The following ERBB4 variants were observed in gnomAD, a reference collection of about 807,000 sequenced individuals.
ERBB4 encodes the protein erb-b2 receptor tyrosine kinase 4.
Under a neutral mutation model 158.0 loss-of-function variants are expected in ERBB4, and 42 were observed. The ratio of observed to expected loss-of-function variants is 0.27; its 90% CI spans 0.21 to 0.34. ERBB4 has a LOEUF of 0.34. Among genes scored for constraint, ERBB4 ranks in the 10% least tolerant of loss-of-function variants. The pLI, the probability that ERBB4 is intolerant of heterozygous loss-of-function variation, is 1.00. For synonymous variants in ERBB4, 583 were observed against 558.7 expected (o/e 1.04, Z -0.61); for missense variants, 1,333 against 1,624.1 (o/e 0.82, Z 3.08).
intron 19 of ERBB4, among the ~76,000 whole-genome samples, chr2:211,565,977 A>G (rs566771255): frequency 1.5e-4 from 23 of 152,202 alleles, no homozygotes; most frequent in Non-Finnish European, 2.8e-4. Flanking sequence ...AGGGAACAAG[A>G]AGAGTCACAG....
intron 15 of ERBB4, among the ~76,000 whole-genome samples, chr2:211,663,237 AT>A (rs1284398482): frequency 6.6e-6 from 1 of 152,218 alleles, no homozygotes. Flanking sequence ...GAACCACAGC[AT>A]TTTTATGAAG....
chr2:211,947,663 C>G (rs2080740669), intron 2 of ERBB4, 47 bp from the exon 3 acceptor site: 1 of 1,516,116 alleles, frequency 6.6e-7, no homozygotes, highest in African/African-American at 1.4e-5. Flanking sequence ...GAATTTGTCA[C>G]TCTGTATATG....
chr2:211,558,874 C>T (rs1484525509), intron 20 of ERBB4, among the ~76,000 whole-genome samples: 1 of 152,040 alleles, frequency 6.6e-6, no homozygotes, highest in Non-Finnish European at 1.5e-5. Flanking sequence ...CATGTAAGAT[C>T]CAATTTTAGA....
intron 25 of ERBB4, among the ~76,000 whole-genome samples, chr2:211,403,256 T>C (rs985631871): frequency 3.3e-5 from 5 of 152,096 alleles, no homozygotes; most frequent in African/African-American, 4.8e-5. Context: ...TCTTGGAATA[T>C]TTCATCTAAT....
At chr2:212,074,325 A>G (rs1226831188) in intron 2 of ERBB4, among the ~76,000 whole-genome samples, 2 of 152,166 alleles carry the variant, frequency 1.3e-5, no homozygotes, top group East Asian at 3.9e-4. Flanking sequence ...TTCAGGAATC[A>G]CTAAACATAA....
chr2:211,886,366 C>T (rs2078801176), intron 3 of ERBB4, among the ~76,000 whole-genome samples: 1 of 152,110 alleles, frequency 6.6e-6, no homozygotes, highest in Non-Finnish European at 1.5e-5. Flanking sequence ...CTGTTTACTA[C>T]TGTATTCTCA....
chr2:211,557,517 T>C (rs2067267150), intron 20 of ERBB4, among the ~76,000 whole-genome samples: 1 of 152,000 alleles, frequency 6.6e-6, no homozygotes, highest in Admixed American at 6.6e-5. Context: ...GAAAAAAAGC[T>C]CAACATCACT....
intron 18 of ERBB4, among the ~76,000 whole-genome samples, chr2:211,622,427 A>G (rs1395781627): frequency 1.3e-5 from 2 of 152,180 alleles, no homozygotes; most frequent in African/African-American, 2.4e-5. Flanking sequence ...ATGCATACTA[A>G]AAGATTAGAA....
At chr2:212,507,708 G>C (rs1363887867) in intron 1 of ERBB4, among the ~76,000 whole-genome samples, 1 of 152,200 alleles carries the variant, frequency 6.6e-6, no homozygotes, top group Non-Finnish European at 1.5e-5. Context: ...CAAATGAACA[G>C]ATGAGGAATT....
intron 5 of ERBB4, among the ~76,000 whole-genome samples, chr2:211,738,544 G>C (rs2074685200): frequency 6.6e-6 from 1 of 151,704 alleles, no homozygotes; most frequent in East Asian, 1.9e-4. Context: ...CTAATTTTTT[G>C]TATTTTTAGT....
At chr2:211,550,904 C>T (rs1031757329) in intron 20 of ERBB4, among the ~76,000 whole-genome samples, 5 of 150,968 alleles carry the variant, frequency 3.3e-5, no homozygotes, top group Admixed American at 1.3e-4. Context: ...AGAAATACAC[C>T]GAGACACCGC....
intron 19 of ERBB4, among the ~76,000 whole-genome samples, chr2:211,601,485 T>A (rs141195967): frequency 5.3e-5 from 8 of 149,702 alleles, no homozygotes; most frequent in African/African-American, 2.0e-4. Context: ...CTCAGAACAA[T>A]GAATGAAGAA....
chr2:211,867,403 G>A (rs12996321), intron 3 of ERBB4, among the ~76,000 whole-genome samples: 28,430 of 152,054 alleles, frequency 0.19, 2,943 homozygotes, highest in South Asian at 0.32. Context: ...TTACAAGTAT[G>A]TAAACACACA....
intron 1 of ERBB4, among the ~76,000 whole-genome samples, chr2:212,222,783 G>A (rs2083337770): frequency 6.6e-6 from 1 of 151,360 alleles, no homozygotes; most frequent in East Asian, 1.9e-4. Flanking sequence ...GCATATTTTG[G>A]GGGGTTGTTA....
At chr2:212,179,126 ATG>A (rs2081772106) in intron 1 of ERBB4, among the ~76,000 whole-genome samples, 1 of 151,640 alleles carries the variant, frequency 6.6e-6, no homozygotes, top group Non-Finnish European at 1.5e-5. Context: ...ATACTGGAGT[ATG>A]TAAAGCTCCT....
chr2:211,563,727 T>C (rs1215185779), intron 19 of ERBB4, among the ~76,000 whole-genome samples: 1 of 152,200 alleles, frequency 6.6e-6, no homozygotes, highest in Non-Finnish European at 1.5e-5. Context: ...TGAACTATCT[T>C]GTGTCTGCCA....
chr2:212,361,392 G>A (rs2106362660), intron 1 of ERBB4, among the ~76,000 whole-genome samples: 1 of 151,638 alleles, frequency 6.6e-6, no homozygotes, highest in East Asian at 1.9e-4. Flanking sequence ...AAGACAGAGT[G>A]GCTCTTTCTG....
At chr2:211,572,177 T>C (rs1229460817) in intron 19 of ERBB4, among the ~76,000 whole-genome samples, 2 of 152,196 alleles carry the variant, frequency 1.3e-5, no homozygotes, top group African/African-American at 4.8e-5. Context: ...TTAATTAACA[T>C]ATTCTGTTTA....
At chr2:211,768,457 C>T (rs987676575) in intron 4 of ERBB4, among the ~76,000 whole-genome samples, 5 of 152,348 alleles carry the variant, frequency 3.3e-5, no homozygotes, top group African/African-American at 1.2e-4. Context: ...CCCTTCCGTA[C>T]TGCCCTAGCA....
Sources: allele counts gnomAD v4.1 joint callset (sites outside exome capture counted in the v4.1 genomes callset), GRCh38; gene constraint gnomAD v4.1.1; transcripts MANE v1.5; gene names NCBI Gene and HGNC (gene_info 2026-07-23, HGNC 2026-07-21).